MEIKIN: variants seen among roughly 807,000 people sequenced by gnomAD.
The protein encoded by MEIKIN is meiosis-specific kinetochore protein.
chr5:131,830,334 C>G (rs1333677125), intron 11 of MEIKIN, among the ~76,000 whole-genome samples: 1 of 152,098 alleles, frequency 6.6e-6, no homozygotes, highest in African/African-American at 2.4e-5. Flanking sequence ...GAGGTCAAGG[C>G]TACAGTGAGC....
chr5:131,891,138 T>C (rs1750908117), intron 8 of MEIKIN, among the ~76,000 whole-genome samples: 1 of 152,216 alleles, frequency 6.6e-6, no homozygotes, highest in Admixed American at 6.5e-5. Flanking sequence ...TACTTCCAAC[T>C]ATGTGGTCAA....
At chr5:131,845,685 T>G (rs145224628) in intron 11 of MEIKIN, among the ~76,000 whole-genome samples, 1 of 151,924 alleles carries the variant, frequency 6.6e-6, no homozygotes, top group East Asian at 1.9e-4. Context: ...AAGGGCATAT[T>G]TAAGCAGGCA....
intron 5 of MEIKIN, among the ~76,000 whole-genome samples, chr5:131,928,717 T>C (rs929107183): frequency 6.6e-5 from 10 of 152,178 alleles, no homozygotes; most frequent in African/African-American, 2.4e-4. Context: ...ACTATTACAT[T>C]ACTATTGTAA....
At chr5:131,857,764 G>T (rs1372323318) in intron 9 of MEIKIN, among the ~76,000 whole-genome samples, 1 of 152,128 alleles carries the variant, frequency 6.6e-6, no homozygotes, top group South Asian at 2.1e-4. Context: ...TGCTTTGCTG[G>T]CCCGCAAGCG....
intron 5 of MEIKIN, among the ~76,000 whole-genome samples, chr5:131,927,810 T>C (rs552039036): frequency 6.6e-6 from 1 of 152,302 alleles, no homozygotes; most frequent in South Asian, 2.1e-4. Flanking sequence ...GTATGGAATA[T>C]CTTTTTCCAT....
intron 11 of MEIKIN, among the ~76,000 whole-genome samples, chr5:131,821,630 CTTTT>C (rs375765946): frequency 2.2e-4 from 11 of 50,442 alleles, no homozygotes; most frequent in Admixed American, 7.7e-4. Flanking sequence ...TGAGGTCTGC[CTTTT>C]TTTTTTTTTT....
intron 8 of MEIKIN, among the ~76,000 whole-genome samples, chr5:131,909,267 A>G (rs1011988454): frequency 6.6e-5 from 10 of 152,174 alleles, no homozygotes; most frequent in Admixed American, 5.9e-4. Flanking sequence ...AAATCTATAC[A>G]TCTACACCGA....
intron 12 of MEIKIN, among the ~76,000 whole-genome samples, chr5:131,808,943 G>C (rs1365421184): frequency 1.3e-5 from 2 of 152,108 alleles, no homozygotes; most frequent in Non-Finnish European, 2.9e-5. Flanking sequence ...AGGCATGGTA[G>C]CACCTGCCTG....
chr5:131,914,591 G>A (rs1257551649), intron 7 of MEIKIN, among the ~76,000 whole-genome samples: 10 of 89,090 alleles, frequency 1.1e-4, no homozygotes, highest in Non-Finnish European at 1.4e-4. Flanking sequence ...GGAAGGGAAG[G>A]GAAGGGAAGG....
At chr5:131,833,720 T>C (rs1749753192) in intron 11 of MEIKIN, among the ~76,000 whole-genome samples, 1 of 152,090 alleles carries the variant, frequency 6.6e-6, no homozygotes, top group African/African-American at 2.4e-5. Flanking sequence ...GCCCCCATGA[T>C]TCAATTACCT....
rs568478873 is a variant in MEIKIN at position 131,860,792 on chromosome 5, T to C, written c.775-5958A>G. On this transcript the variant is annotated intron_variant, in intron 9 of 12. Transcript: ENST00000442687. ...TTTTTTTTTTTTTGAGAGAGAGTCT[T>C]GCTCTGTCACTCAGGCTGAAGTGCA... Among the ~76,000 whole-genome samples, 576 of 135,502 alleles carry C rather than the reference T, an allele frequency of 4.3e-3. 4 individuals are homozygous for C. Among genetic ancestry groups the C allele is most frequent in the African/African-American group, 0.015 (542 of 36,066 alleles). The allele number at this position is 135,502 out of a possible 152,430, so 88.9% of individuals were successfully genotyped here.
intron 7 of MEIKIN, among the ~76,000 whole-genome samples, chr5:131,913,704 A>G (rs148132271): frequency 6.6e-6 from 1 of 152,362 alleles, no homozygotes; most frequent in African/African-American, 2.4e-5. Context: ...AGATAATTCT[A>G]CACAGAATAA....
At chr5:131,911,533 T>C (rs1382884411) in intron 8 of MEIKIN, among the ~76,000 whole-genome samples, 2 of 151,914 alleles carry the variant, frequency 1.3e-5, no homozygotes, top group East Asian at 1.9e-4. Flanking sequence ...AGGAAAAGTG[T>C]ATCACTTCCA....
intron 4 of MEIKIN, among the ~76,000 whole-genome samples, chr5:131,939,039 T>G (rs1314747510): frequency 5.9e-5 from 9 of 152,184 alleles, no homozygotes; most frequent in Non-Finnish European, 1.0e-4. Context: ...TTTGCCTGAG[T>G]GCATAAGGGG....
chr5:131,844,490 G>A (rs1369132106), intron 11 of MEIKIN, among the ~76,000 whole-genome samples: 4 of 152,148 alleles, frequency 2.6e-5, no homozygotes, highest in African/African-American at 9.7e-5. Context: ...CAGACTGCCT[G>A]ACTTGAGGAG....
At chr5:131,830,889 TGAG>T (rs1489147106) in intron 11 of MEIKIN, among the ~76,000 whole-genome samples, 1 of 150,944 alleles carries the variant, frequency 6.6e-6, no homozygotes, top group Non-Finnish European at 1.5e-5. Context: ...CCTACAAATC[TGAG>T]GAGGACTTTG....
At chr5:131,877,122 A>G (rs1217731153) in intron 9 of MEIKIN, among the ~76,000 whole-genome samples, 1 of 152,132 alleles carries the variant, frequency 6.6e-6, no homozygotes, top group Non-Finnish European at 1.5e-5. Context: ...CATTGTGCAC[A>G]TGTACCTACA....
intron 12 of MEIKIN, among the ~76,000 whole-genome samples, chr5:131,810,328 T>TA (rs949496397): frequency 1.2e-4 from 18 of 151,754 alleles, no homozygotes; most frequent in East Asian, 9.7e-4. Flanking sequence ...CAAAATAGAA[T>TA]AAAAAAAAAT....
At chr5:131,869,808 C>G (rs1011729140) in intron 9 of MEIKIN, among the ~76,000 whole-genome samples, 42 of 152,248 alleles carry the variant, frequency 2.8e-4, no homozygotes, top group African/African-American at 1.0e-3. Flanking sequence ...GTTTTCCTAC[C>G]CTGGCAATGG....
Sources: allele counts gnomAD v4.1 joint callset (sites outside exome capture counted in the v4.1 genomes callset), GRCh38; gene constraint gnomAD v4.1.1; transcripts MANE v1.5; gene names NCBI Gene and HGNC (gene_info 2026-07-23, HGNC 2026-07-21).